Variants in PLCB4 observed in about 807,000 individuals in gnomAD.
The protein encoded by PLCB4 is phospholipase C beta 4.
PLCB4 carries 77 observed loss-of-function variants against 178.8 expected under a neutral mutation model. That is an observed-to-expected ratio of 0.43 (90% CI 0.36 to 0.52). PLCB4 has a LOEUF of 0.52. PLCB4 is among the 20% of genes least tolerant of loss of function. The probability of loss-of-function intolerance (pLI) is 0.00; values close to 1 mark genes in which losing one functional copy is unlikely to be tolerated. For missense variants in PLCB4, 1,024 were observed against 1,453.4 expected (o/e 0.70, Z 4.80); for synonymous variants, 496 against 490.8 (o/e 1.01, Z -0.14).
intron 1 of PLCB4, among the ~76,000 whole-genome samples, chr20:9,088,855 A>G (rs1266278941): frequency 6.6e-6 from 1 of 152,152 alleles, no homozygotes; most frequent in Non-Finnish European, 1.5e-5. Context: ...ATGTATATAT[A>G]TGTAAATGTG....
intron 1 of PLCB4, among the ~76,000 whole-genome samples, chr20:9,083,726 C>T (rs2146529035): frequency 6.6e-6 from 1 of 152,224 alleles, no homozygotes; most frequent in Non-Finnish European, 1.5e-5. Flanking sequence ...ATAAGGTTGA[C>T]CTGACCTGAA....
At chr20:9,218,991 G>A (rs533894501) in intron 3 of PLCB4, among the ~76,000 whole-genome samples, 25 of 152,134 alleles carry the variant, frequency 1.6e-4, no homozygotes, top group African/African-American at 6.0e-4. Flanking sequence ...CCTTAAATAG[G>A]TCATTTTTCA....
intron 2 of PLCB4, among the ~76,000 whole-genome samples, chr20:9,191,908 C>A (rs985305306): frequency 1.3e-5 from 2 of 150,334 alleles, no homozygotes; most frequent in Admixed American, 6.6e-5. Flanking sequence ...ATATACACAT[C>A]CTTAGAGCTT....
intron 7 of PLCB4, among the ~76,000 whole-genome samples, chr20:9,357,645 T>G (rs1342352527): frequency 6.6e-6 from 1 of 152,154 alleles, no homozygotes; most frequent in African/African-American, 2.4e-5. Context: ...ATTAGTGTCC[T>G]TATTTTAAAA....
At position 9,073,333 on chromosome 20, in the gene PLCB4, C is replaced by G. The variant is rs6118467; in HGVS notation, c.-135+4127C>G. Reference sequence around the variant, plus strand: ...CCCTTTCTTCTCTAGAACAGGAGTTCTTCATTTTAGGGCCAAGGATGCAGT... The same window carrying G: ...CCCTTTCTTCTCTAGAACAGGAGTTGTTCATTTTAGGGCCAAGGATGCAGT... On this transcript the variant is annotated intron_variant, in intron 1 of 39. Coordinates refer to ENST00000378473, the MANE Select transcript of PLCB4 (RefSeq NM_001377142.1). Among the ~76,000 whole-genome samples the G allele has an allele frequency of 7.5e-3, 1,135 of 152,256 alleles. 17 individuals carry two copies. The highest frequency in any genetic ancestry group is 0.026 in the African/African-American group (1,081 of 41,552).
Position 9,389,859 on chromosome 20 carries a change from G to GTTT in PLCB4, c.1159-13_1159-11dup. 1.5e-6 allele frequency: 2 copies of GTTT among 1,369,136 alleles called. No individual in the cohort carries two copies. The highest frequency in any genetic ancestry group is 2.0e-6 in the Non-Finnish European group (2 of 977,730). 84.8% of individuals were successfully genotyped at this position (1,369,136 alleles called of 1,614,324 possible). ...TTTTTTGCTCTTTTCTCTCATTAACGTTTTTTTTTGTTTTTAAAGGATGTA... is the reference window on the plus strand; with the variant it reads ...TTTTTTGCTCTTTTCTCTCATTAACGTTTTTTTTTTTTGTTTTTAAAGGATGTA... On this transcript the variant is annotated intron_variant, in intron 15 of 39. Coordinates refer to ENST00000378473, the MANE Select transcript of PLCB4 (RefSeq NM_001377142.1).
intron 28 of PLCB4, among the ~76,000 whole-genome samples, chr20:9,430,978 C>T (rs2050077): frequency 6.6e-6 from 1 of 152,140 alleles, no homozygotes; most frequent in Non-Finnish European, 1.5e-5. Flanking sequence ...TGTTGGCAAT[C>T]GAATGTACAG....
At chr20:9,200,022 T>C (rs879272963) in intron 2 of PLCB4, among the ~76,000 whole-genome samples, 41 of 145,126 alleles carry the variant, frequency 2.8e-4, no homozygotes, top group Non-Finnish European at 2.7e-4. Context: ...TATTCTGATT[T>C]TGATCTTTAC....
intron 2 of PLCB4, among the ~76,000 whole-genome samples, chr20:9,128,291 A>G (rs1397403234): frequency 1.3e-5 from 2 of 152,176 alleles, no homozygotes; most frequent in Admixed American, 6.5e-5. Context: ...CCAGAAGCTT[A>G]TGCTGGAGCC....
intron 3 of PLCB4, among the ~76,000 whole-genome samples, chr20:9,255,806 G>T (rs2094227966): frequency 6.6e-6 from 1 of 152,056 alleles, no homozygotes; most frequent in African/African-American, 2.4e-5. Flanking sequence ...ATGAAGTTGT[G>T]GCTGAGTGCA....
chr20:9,157,993 T>C (rs1179642974), intron 2 of PLCB4, among the ~76,000 whole-genome samples: 2 of 152,180 alleles, frequency 1.3e-5, no homozygotes, highest in Non-Finnish European at 2.9e-5. Context: ...TTCGGCCCTT[T>C]ACCTGTTCCA....
At chr20:9,327,819 A>G (rs1476678184) in intron 4 of PLCB4, among the ~76,000 whole-genome samples, 1 of 152,134 alleles carries the variant, frequency 6.6e-6, no homozygotes, top group East Asian at 1.9e-4. Flanking sequence ...ATCAATACTA[A>G]TTTACTTAGT....
chr20:9,310,665 TCAC>T (rs1276755035), intron 4 of PLCB4, among the ~76,000 whole-genome samples: 8 of 151,594 alleles, frequency 5.3e-5, no homozygotes, highest in Non-Finnish European at 2.9e-5. Flanking sequence ...TGAGCCAAGA[TCAC>T]GCCCCCACAC....
chr20:9,156,049 C>T (rs1298550972), intron 2 of PLCB4, among the ~76,000 whole-genome samples: 5 of 152,178 alleles, frequency 3.3e-5, no homozygotes, highest in Non-Finnish European at 7.3e-5. Context: ...CAGTCATAGA[C>T]TGTGCAATGT....
intron 2 of PLCB4, among the ~76,000 whole-genome samples, chr20:9,215,107 A>G (rs1184451932): frequency 1.3e-5 from 2 of 152,170 alleles, no homozygotes; most frequent in African/African-American, 4.8e-5. Context: ...AGAGTCATAT[A>G]GTTTAACATT....
intron 3 of PLCB4, among the ~76,000 whole-genome samples, chr20:9,244,778 C>T (rs2094106999): frequency 6.6e-6 from 1 of 152,162 alleles, no homozygotes; most frequent in Non-Finnish European, 1.5e-5. Context: ...CCCAATTTTG[C>T]AGTGCTTGAA....
intron 2 of PLCB4, among the ~76,000 whole-genome samples, chr20:9,137,321 C>G (rs533276624): frequency 6.6e-6 from 1 of 152,160 alleles, no homozygotes; most frequent in African/African-American, 2.4e-5. Flanking sequence ...TGAAATGAAA[C>G]AGCTAGAGAT....
intron 7 of PLCB4, among the ~76,000 whole-genome samples, chr20:9,345,518 A>G (rs761621738): frequency 5.3e-5 from 8 of 152,236 alleles, no homozygotes; most frequent in Non-Finnish European, 1.0e-4. Flanking sequence ...AATCACAGTC[A>G]CTAGACGTAA....
rs557402440 is a variant in PLCB4, at chr20:9,370,326, C to T, written c.504-888C>T. ...ACCCATCATGTTGACAGTAAAGTCC[C>T]TTATCCTTGAGGCAGCTGACATTTC... is the stretch of plus-strand genomic sequence containing the variant. On this transcript the variant is annotated intron_variant, in intron 9 of 39. Coordinates refer to ENST00000378473, the MANE Select transcript of PLCB4 (RefSeq NM_001377142.1). Among the ~76,000 whole-genome samples, 135 of 152,276 alleles carry T rather than the reference C, an allele frequency of 8.9e-4. 1 individual carries two copies. Among genetic ancestry groups the T allele is most frequent in the South Asian group, 1.9e-3 (9 of 4,820 alleles).
Sources: allele counts gnomAD v4.1 joint callset (sites outside exome capture counted in the v4.1 genomes callset), GRCh38; gene constraint gnomAD v4.1.1; transcripts MANE v1.5; gene names NCBI Gene and HGNC (gene_info 2026-07-23, HGNC 2026-07-21).